AGO2: variants seen among roughly 807,000 people sequenced by gnomAD.
The protein encoded by AGO2 is argonaute RISC catalytic component 2.
In AGO2, 5 loss-of-function variants were observed where a neutral mutation model predicts 102.3. That is an observed-to-expected ratio of 0.05 (90% CI 0.03 to 0.10). The LOEUF is 0.10. Ranked by LOEUF, AGO2 falls within the 10% of genes least tolerant of loss-of-function variation. The pLI is 1.00. For synonymous variants in AGO2, 449 were observed against 473.1 expected, an observed-to-expected ratio of 0.95 and a Z score of 0.66; for missense variants, 541 against 1,183.7, an observed-to-expected ratio of 0.46 and a Z score of 7.97.
Position 140,539,582 on chromosome 8 carries a change from G to C in AGO2, c.2035-128C>G. On this transcript the variant is annotated intron_variant, in intron 15 of 18. Transcript: ENST00000220592. This position sits in a 1 kb window ranked among gnomAD's most constrained non-coding sequence, Gnocchi z 4.7. ...TCTGAGAGACAATGAGTGTGTTCAC[G>C]GGGAGGTGAAAACACGGGGGCAGAA... 5 of 1,165,128 alleles carry C rather than the reference G, an allele frequency of 4.3e-6. No individual in the cohort carries two copies. In the South Asian group the frequency reaches 6.2e-5, roughly 14 times the overall value. 72.2% of individuals were successfully genotyped at this position (1,165,128 alleles called of 1,614,324 possible).
intron 1 of AGO2, among the ~76,000 whole-genome samples, chr8:140,585,676 T>G (rs1321046077): frequency 6.6e-6 from 1 of 152,220 alleles, no homozygotes; most frequent in Non-Finnish European, 1.5e-5. Context: ...AGGAAGCGCT[T>G]TTTACTATGC....
At chr8:140,535,985 C>T (rs893927686) in intron 16 of AGO2, among the ~76,000 whole-genome samples, 3 of 152,206 alleles carry the variant, frequency 2.0e-5, no homozygotes, top group Non-Finnish European at 4.4e-5. Flanking sequence ...ACAAGCACAC[C>T]GGCGCTCCAG....
rs577325055 is a variant in AGO2, at chr8:140,634,088, G to A, written c.22+1397C>T. ...GGCCTGGCCACCCAAGGCCTCTAGA[G>A]GCCAGCACCTGCTCCAGGACTGCGG... On this transcript the variant is annotated intron_variant, in intron 1 of 18. Coordinates refer to ENST00000220592, the MANE Select transcript of AGO2 (RefSeq NM_012154.5). 3.9e-5 allele frequency among the ~76,000 whole-genome samples: 6 copies of A among 152,358 alleles called. No homozygotes were observed. The South Asian group carries it at 1.2e-3, about 32-fold the overall frequency.
At position 140,539,407 on chromosome 8, in the gene AGO2, T is replaced by C; in HGVS notation, c.2082A>G (p.Leu694=). 6.2e-7 allele frequency: 1 copy of C among 1,614,068 alleles called. No homozygotes were observed. The highest frequency in any genetic ancestry group is 1.7e-5 in the Admixed American group (1 of 60,012). Residue 694 remains leucine (L), a synonymous_variant, in exon 16 of 19, where the codon CTA becomes CTG. Transcript: ENST00000220592. The surrounding 1 kb of genome is among the most constrained non-coding windows in gnomAD (Gnocchi z 4.7). ...LLAIREACIK[L]EKDYQPGITF... ...TGATCCCGGGCTGGTAGTCTTTTTC[T>C]AGCTTGATACAGGCCTCACGGATGG...
chr8:140,566,123 T>C (rs1389792945), intron 3 of AGO2, among the ~76,000 whole-genome samples: 1 of 152,190 alleles, frequency 6.6e-6, no homozygotes, highest in African/African-American at 2.4e-5. Flanking sequence ...CAAATCTCAC[T>C]TGAATTGTAT....
At chr8:140,538,619 C>T (rs937866449) in intron 16 of AGO2, among the ~76,000 whole-genome samples, 1 of 152,212 alleles carries the variant, frequency 6.6e-6, no homozygotes, top group Non-Finnish European at 1.5e-5. Flanking sequence ...CTCAGCACCA[C>T]CTTCCAGCCC....
chr8:140,596,837 C>G (rs1413923074), intron 1 of AGO2, among the ~76,000 whole-genome samples: 3 of 152,146 alleles, frequency 2.0e-5, no homozygotes, highest in African/African-American at 7.2e-5. Context: ...GACGGGCCCA[C>G]GTCATCGCAT....
intron 16 of AGO2, among the ~76,000 whole-genome samples, chr8:140,537,556 C>T (rs1287665761): frequency 1.3e-5 from 2 of 152,190 alleles, no homozygotes; most frequent in African/African-American, 4.8e-5. Context: ...CCTACCTTGG[C>T]CTCCCAAAGT....
chr8:140,574,298 C>T (rs899011291), intron 2 of AGO2, among the ~76,000 whole-genome samples: 4 of 152,102 alleles, frequency 2.6e-5, no homozygotes, highest in African/African-American at 7.2e-5. Context: ...GACAGAGTCT[C>T]GCTCTATCAC....
rs1181505862 is a variant in AGO2, at chr8:140,524,262, A to G, written c.*7782T>C. On this transcript the variant is annotated 3_prime_UTR_variant, in exon 19 of 19. Transcript: ENST00000220592. ...TTTTAAAAAATCTACTTCCATTACAATAAATATTCTTCTCGAGTGACTATG... is the reference window on the plus strand; with the variant it reads ...TTTTAAAAAATCTACTTCCATTACAGTAAATATTCTTCTCGAGTGACTATG... 1.3e-5 allele frequency: 2 copies of G among 152,240 alleles called. No homozygotes were observed. The highest frequency in any genetic ancestry group is 4.8e-5 in the African/African-American group (2 of 41,456). The allele number at this position is 152,240 out of a possible 1,614,324, so 9.4% of individuals were successfully genotyped here.
intron 14 of AGO2, among the ~76,000 whole-genome samples, chr8:140,541,706 C>A (rs1384806447): frequency 6.6e-6 from 1 of 152,064 alleles, no homozygotes; most frequent in Non-Finnish European, 1.5e-5. Context: ...AGTTTGAGAC[C>A]AGCCTGGCCA....
chr8:140,627,035 T>C (rs910358839), intron 1 of AGO2, among the ~76,000 whole-genome samples: 1 of 152,108 alleles, frequency 6.6e-6, no homozygotes, highest in Non-Finnish European at 1.5e-5. Flanking sequence ...AGGACACTGA[T>C]CATCCCGTCA....
intron 17 of AGO2, among the ~76,000 whole-genome samples, chr8:140,533,434 G>A (rs878855960): frequency 6.7e-6 from 1 of 150,160 alleles, no homozygotes; most frequent in African/African-American, 2.5e-5. Flanking sequence ...GAAAGTGGAC[G>A]TAACAAGGAC....
upstream of AGO2, among the ~76,000 whole-genome samples, chr8:140,638,910 G>T (rs928693409): frequency 1.3e-5 from 2 of 151,952 alleles, no homozygotes; most frequent in African/African-American, 4.8e-5. Context: ...TCTAGACAGG[G>T]TCTCACTCTA....
At position 140,535,521 on chromosome 8, in the gene AGO2, T is replaced by G. The variant is rs1326679198; in HGVS notation, c.2218A>C (p.Ile740Leu). Residue 740 changes from isoleucine (I) to leucine (L), a missense_variant, in exon 17 of 19, where the codon ATC becomes CTC. This residue lies in a region of AGO2 where 309 missense variants were observed against 735.1 expected (regional missense o/e 0.42). Coordinates refer to ENST00000220592, the MANE Select transcript of AGO2 (RefSeq NM_012154.5). ...AAGTCGAACTCGGTGGGGTGGGTGA[T>G]TTTCGTGTCCACAGTCGTGCCTGCT... is the stretch of plus-strand genomic sequence containing the variant. ...IPAGTTVDTK[I>L]THPTEFDFYL... 6.2e-7 allele frequency: 1 copy of G among 1,614,128 alleles called. No individual in the cohort carries two copies. The highest frequency in any genetic ancestry group is 1.7e-5 in the Admixed American group (1 of 60,024).
At chr8:140,585,454 C>T (rs1399237334) in intron 1 of AGO2, 143 bp from the exon 2 acceptor site, 9 of 841,756 alleles carry the variant, frequency 1.1e-5, no homozygotes, top group South Asian at 5.7e-5. Flanking sequence ...ACAGAGGAGG[C>T]GTCTCAACGT....
intron 12 of AGO2, among the ~76,000 whole-genome samples, chr8:140,548,844 G>C (rs1169547797): frequency 6.6e-6 from 1 of 152,218 alleles, no homozygotes; most frequent in Non-Finnish European, 1.5e-5. Flanking sequence ...TGTATGATGG[G>C]CGGGGTGCCC....
Position 140,588,834 on chromosome 8 carries a change from C to T in AGO2, c.23-3523G>A, listed in dbSNP as rs116283890. Among the ~76,000 whole-genome samples, 839 of 152,258 alleles carry T rather than the reference C, an allele frequency of 5.5e-3. 10 individuals are homozygous for T. The highest frequency in any genetic ancestry group is 0.019 in the African/African-American group (799 of 41,536). The stretch of plus-strand genomic sequence containing the variant: ...ATACCCATTCCTTAGAGAGCGAGTT[C>T]GGAGGGCAAGGCCCGGAACCCAGCG... On this transcript the variant is annotated intron_variant, in intron 1 of 18. Coordinates refer to ENST00000220592, the MANE Select transcript of AGO2 (RefSeq NM_012154.5).
intron 13 of AGO2, among the ~76,000 whole-genome samples, chr8:140,546,261 G>A (rs1482090939): frequency 2.0e-5 from 3 of 152,202 alleles, no homozygotes; most frequent in Non-Finnish European, 2.9e-5. Flanking sequence ...CCCGCTCCCT[G>A]ATGAATTCAA....
Sources: gnomAD v4.1 joint callset for allele counts (sites outside exome capture counted in the v4.1 genomes callset) on GRCh38, gnomAD v4.1.1 for gene constraint, gnomAD v4.1.1 regional missense constraint, Gnocchi (gnomAD v3.1) non-coding constraint, MANE v1.5 for transcripts, NCBI Gene and HGNC (gene_info 2026-07-23, HGNC 2026-07-21) for gene names.